Variants in SLC9A7 observed in about 807,000 individuals in gnomAD.
SLC9A7 encodes sodium/hydrogen exchanger 7.
Under a neutral mutation model 52.6 loss-of-function variants are expected in SLC9A7, and 19 were observed. The ratio of observed to expected loss-of-function variants is 0.36; its 90% CI spans 0.25 to 0.53. The LOEUF (loss-of-function observed/expected upper bound fraction) is 0.53. Among genes scored for constraint, SLC9A7 ranks in the 20% least tolerant of loss-of-function variants. The pLI, the probability that SLC9A7 is intolerant of heterozygous loss-of-function variation, is 0.91. For missense variants in SLC9A7, 455 were observed against 597.9 expected (o/e 0.76, Z 2.49); for synonymous variants, 226 against 252.1 (o/e 0.90, Z 0.98).
chrX:46,626,038 G>A (rs1943122569), intron 14 of SLC9A7, among the ~76,000 whole-genome samples: 1 of 111,854 alleles, frequency 8.9e-6, no homozygotes, highest in Non-Finnish European at 1.9e-5. Flanking sequence ...TGGGCATGGT[G>A]GCCCATGCCT....
rs1942694421 is a variant in SLC9A7 at position 46,603,639 on chromosome X, C to T, written c.*3313G>A. ...GGATCACGAGGTCAGCAGATCGAGA[C>T]CATCCTGCCCAACATGGTGAAACTC... On this transcript the variant is annotated 3_prime_UTR_variant, in exon 17 of 17. Coordinates refer to ENST00000616978, the MANE Select transcript of SLC9A7 (RefSeq NM_001257291.2). 1 of 111,571 alleles carries T rather than the reference C, an allele frequency of 9.0e-6. No individual in the cohort carries two copies. Among genetic ancestry groups the T allele is most frequent in the African/African-American group, 3.3e-5 (1 of 30,636 alleles). 9.2% of individuals were successfully genotyped at this position (111,571 alleles called of 1,213,427 possible).
At chrX:46,738,437 C>T (rs888247300) in intron 1 of SLC9A7, among the ~76,000 whole-genome samples, 2 of 112,180 alleles carry the variant, frequency 1.8e-5, no homozygotes, top group Non-Finnish European at 3.8e-5. Flanking sequence ...TTTTCAAGAA[C>T]TGCCTGAATT....
In SLC9A7 at chrX:46,641,263, A is replaced by G. The variant is rs138360375; in HGVS notation, c.1616+1973T>C. 5.4e-3 allele frequency among the ~76,000 whole-genome samples: 608 copies of G among 112,226 alleles called. 8 individuals are homozygous for G. The highest frequency in any genetic ancestry group is 0.018 in the African/African-American group (570 of 30,849). ...CAATAAAACAGAACAAACTTGATAC[A>G]TGAACAACCTACATGGATCTCCAAG... is the stretch of plus-strand genomic sequence containing the variant. On this transcript the variant is annotated intron_variant, in intron 12 of 16. Coordinates refer to ENST00000616978, the MANE Select transcript of SLC9A7 (RefSeq NM_001257291.2).
chrX:46,668,943 G>A (rs1316633768), intron 5 of SLC9A7, among the ~76,000 whole-genome samples: 2 of 111,115 alleles, frequency 1.8e-5, no homozygotes, highest in African/African-American at 3.3e-5. Flanking sequence ...CAAGGCGGGT[G>A]GATCACGAAG....
rs972819190 is a variant in SLC9A7, at chrX:46,623,310, C to T, written c.1741-2251G>A. The stretch of plus-strand genomic sequence containing the variant: ...TTGGCGACTCTTGGATTTTCCACTC[C>T]TGTGCCGTCCACAGAAAAAGCACAG... On this transcript the variant is annotated intron_variant, in intron 14 of 16. Coordinates refer to ENST00000616978, the MANE Select transcript of SLC9A7 (RefSeq NM_001257291.2). 4.5e-5 allele frequency among the ~76,000 whole-genome samples: 5 copies of T among 111,728 alleles called. No individual in the cohort carries two copies. The East Asian group carries it at 8.4e-4, about 19-fold the overall frequency.
intron 1 of SLC9A7, among the ~76,000 whole-genome samples, chrX:46,756,172 T>C (rs1922654301): frequency 9.0e-6 from 1 of 111,516 alleles, no homozygotes; most frequent in South Asian, 3.7e-4. Flanking sequence ...AAAAGTTAAA[T>C]TGTTTGCCTC....
At chrX:46,721,432 A>T (rs1190736458) in intron 1 of SLC9A7, among the ~76,000 whole-genome samples, 1 of 112,168 alleles carries the variant, frequency 8.9e-6, no homozygotes, top group Non-Finnish European at 1.9e-5. Context: ...TTAGAGCTGC[A>T]AGCTAATAGG....
intron 1 of SLC9A7, among the ~76,000 whole-genome samples, chrX:46,688,799 G>A (rs1028418183): frequency 1.6e-4 from 18 of 109,228 alleles, no homozygotes; most frequent in African/African-American, 3.3e-4. Flanking sequence ...GAAATGTCTC[G>A]TCATTCAAAT....
At chrX:46,651,553 C>T (rs778630036) in intron 8 of SLC9A7, 149 bp from the exon 9 acceptor site, 39 of 417,370 alleles carry the variant, frequency 9.3e-5, no homozygotes, top group African/African-American at 2.7e-4. Flanking sequence ...CTGGGTCGGG[C>T]GCAGTGGCTC....
At chrX:46,754,852 C>T (rs1556290947) in intron 1 of SLC9A7, among the ~76,000 whole-genome samples, 1 of 112,666 alleles carries the variant, frequency 8.9e-6, no homozygotes, top group African/African-American at 3.2e-5. Flanking sequence ...TTTATACCAA[C>T]TTTCCCTGCC....
At chrX:46,753,674 G>C (rs1410436471) in intron 1 of SLC9A7, among the ~76,000 whole-genome samples, 2 of 111,775 alleles carry the variant, frequency 1.8e-5, no homozygotes, top group Admixed American at 1.9e-4. Flanking sequence ...TCCAAGAATT[G>C]AAAATGCTGA....
At chrX:46,688,382 G>A (rs1944328884) in intron 1 of SLC9A7, among the ~76,000 whole-genome samples, 1 of 111,250 alleles carries the variant, frequency 9.0e-6, no homozygotes, top group Non-Finnish European at 1.9e-5. Context: ...CAGATCACCT[G>A]AGATCAGGAG....
At chrX:46,758,578 C>T (rs1424708078) in intron 1 of SLC9A7, 127 bp downstream of exon 1, 11 of 415,268 alleles carry the variant, frequency 2.6e-5, no homozygotes, top group African/African-American at 1.8e-4. Context: ...GGAACCAACA[C>T]CGTCGCAGCG....
intron 1 of SLC9A7, among the ~76,000 whole-genome samples, chrX:46,750,397 A>C (rs1922149553): frequency 1.8e-5 from 2 of 112,223 alleles, no homozygotes; most frequent in South Asian, 7.4e-4. Context: ...CCCAAACTGG[A>C]GTGCATTGCT....
chrX:46,655,327 T>C (rs954706408), intron 7 of SLC9A7, among the ~76,000 whole-genome samples: 6 of 111,907 alleles, frequency 5.4e-5, no homozygotes, highest in African/African-American at 1.9e-4. Context: ...ATTGAATGTA[T>C]AAAATCTCAT....
At chrX:46,690,110 T>C (rs1944360592) in intron 1 of SLC9A7, among the ~76,000 whole-genome samples, 1 of 112,229 alleles carries the variant, frequency 8.9e-6, no homozygotes, top group Non-Finnish European at 1.9e-5. Context: ...TGCACACGTA[T>C]GTTTACTGCA....
chrX:46,656,062 C>T lies in SLC9A7; in HGVS notation c.1042-2348G>A, dbSNP rs754709095. On this transcript the variant is annotated intron_variant, in intron 7 of 16. Transcript: ENST00000616978. ...ACTGCCTCCTCAAGTGGGTCCCTGACCCCTGACCCCCGAGCAGCCTAACTG... is the reference window on the plus strand; with the variant it reads ...ACTGCCTCCTCAAGTGGGTCCCTGATCCCTGACCCCCGAGCAGCCTAACTG... Among the ~76,000 whole-genome samples the T allele has an allele frequency of 6.3e-5, 7 of 111,425 alleles. No homozygotes were observed. The South Asian group carries it at 1.2e-3, about 18-fold the overall frequency.
chrX:46,713,754 A>C (rs763832030), intron 1 of SLC9A7, among the ~76,000 whole-genome samples: 2 of 110,416 alleles, frequency 1.8e-5, no homozygotes, highest in Non-Finnish European at 3.8e-5. Flanking sequence ...GTGGTTCGGT[A>C]CTTTCAGAGA....
rs373987733 is a variant in SLC9A7, at chrX:46,606,930, G to T, written c.*22C>A. 805 of 1,208,497 alleles carry T rather than the reference G, an allele frequency of 6.7e-4. No homozygotes were observed. The highest frequency in any genetic ancestry group is 2.1e-3 in the Middle Eastern group (9 of 4,319). On this transcript the variant is annotated 3_prime_UTR_variant, in exon 17 of 17. Transcript: ENST00000616978. ...CACCCCATCGGGAGCCTACCCCATC[G>T]CGCCAGGGCTTGGGGGGAAAGTCAA...
Sources: gnomAD v4.1 joint callset for allele counts (sites outside exome capture counted in the v4.1 genomes callset) on GRCh38, gnomAD v4.1.1 for gene constraint, MANE v1.5 for transcripts, NCBI Gene and HGNC (gene_info 2026-07-23, HGNC 2026-07-21) for gene names.